The following SPIDR variants were observed in gnomAD, a reference collection of about 807,000 sequenced individuals.
SPIDR encodes scaffold protein involved in DNA repair.
In SPIDR, 93 loss-of-function variants were observed where a neutral mutation model predicts 104.6. That is an observed-to-expected ratio of 0.89 (90% CI 0.75 to 1.06). SPIDR has a LOEUF of 1.06. Ranked by LOEUF, SPIDR falls within the 50% of genes least tolerant of loss-of-function variation. SPIDR has a pLI of 0.00. For missense variants in SPIDR, 1,154 were observed against 1,111.2 expected, an observed-to-expected ratio of 1.04 and a Z score of -0.55; for synonymous variants, 431 against 416.9, an observed-to-expected ratio of 1.03 and a Z score of -0.41.
intron 8 of SPIDR, among the ~76,000 whole-genome samples, chr8:47,498,307 A>G (rs1374447153): frequency 6.6e-6 from 1 of 152,186 alleles, no homozygotes; most frequent in African/African-American, 2.4e-5. Flanking sequence ...TTATTGGCAA[A>G]CGTTCCATCT....
chr8:47,623,409 GCTAAATGCTCCAATTAAAAGACA>G (rs2065460979), intron 10 of SPIDR, among the ~76,000 whole-genome samples: 1 of 152,260 alleles, frequency 6.6e-6, no homozygotes, highest in Admixed American at 6.5e-5. Context: ...ATGTAAATGG[GCTAAATGCTCCAATTAAAAGACA>G]CAGACTGGCA....
chr8:47,591,799 G>A (rs1267893524), intron 8 of SPIDR, among the ~76,000 whole-genome samples: 1 of 151,040 alleles, frequency 6.6e-6, no homozygotes, highest in African/African-American at 2.4e-5. Flanking sequence ...ATAAAATAAA[G>A]AAAAACACGC....
At chr8:47,531,299 A>G (rs1196693671) in intron 8 of SPIDR, among the ~76,000 whole-genome samples, 3 of 152,184 alleles carry the variant, frequency 2.0e-5, no homozygotes, top group Admixed American at 6.6e-5. Context: ...TTCTACCTCT[A>G]CAACTTGTCC....
chr8:47,494,713 C>T (rs930803375), intron 8 of SPIDR, among the ~76,000 whole-genome samples: 2 of 152,060 alleles, frequency 1.3e-5, no homozygotes, highest in African/African-American at 4.8e-5. Flanking sequence ...CTTTGTATTG[C>T]TTTTACTATG....
chr8:47,593,811 ACCCTGGCTGG>A (rs1297336385), intron 8 of SPIDR, among the ~76,000 whole-genome samples: 3 of 151,896 alleles, frequency 2.0e-5, no homozygotes, highest in Non-Finnish European at 4.4e-5. Context: ...TGCTGACACC[ACCCTGGCTGG>A]GAGGGCCAGG....
At chr8:47,453,853 A>T (rs1446632476) in intron 8 of SPIDR, among the ~76,000 whole-genome samples, 1 of 152,232 alleles carries the variant, frequency 6.6e-6, no homozygotes, top group African/African-American at 2.4e-5. Context: ...GAAGACATTT[A>T]TGCAGCCAAC....
intron 5 of SPIDR, among the ~76,000 whole-genome samples, chr8:47,346,925 T>G (rs936658621): frequency 6.6e-6 from 1 of 152,194 alleles, no homozygotes; most frequent in Non-Finnish European, 1.5e-5. Context: ...ATTGATTTTT[T>G]GAAGGGTTTT....
chr8:47,354,932 C>T (rs2054232275), intron 5 of SPIDR, among the ~76,000 whole-genome samples: 1 of 152,016 alleles, frequency 6.6e-6, no homozygotes, highest in African/African-American at 2.4e-5. Flanking sequence ...CATGAGCTAC[C>T]ACACCAAGCC....
intron 8 of SPIDR, among the ~76,000 whole-genome samples, chr8:47,493,332 C>T (rs2079023059): frequency 6.6e-6 from 1 of 151,804 alleles, no homozygotes; most frequent in African/African-American, 2.4e-5. Context: ...AATAAGAAAC[C>T]CAGAGTTAAT....
intron 8 of SPIDR, among the ~76,000 whole-genome samples, chr8:47,460,662 G>A (rs531577114): frequency 9.0e-4 from 137 of 152,228 alleles, no homozygotes; most frequent in African/African-American, 3.2e-3. Context: ...CATTAGTATT[G>A]AGATGTGAGG....
chr8:47,652,645 T>C (rs1165535882), intron 10 of SPIDR, among the ~76,000 whole-genome samples: 2 of 152,242 alleles, frequency 1.3e-5, no homozygotes, highest in Admixed American at 6.5e-5. Context: ...CTCAGTGATA[T>C]TGTTTCTAAA....
intron 8 of SPIDR, among the ~76,000 whole-genome samples, chr8:47,541,918 G>A (rs2088242394): frequency 6.6e-6 from 1 of 152,120 alleles, no homozygotes. Flanking sequence ...GCGACAGAAT[G>A]AGACTCCATC....
At chr8:47,423,099 T>G (rs2065835147) in intron 7 of SPIDR, among the ~76,000 whole-genome samples, 1 of 151,526 alleles carries the variant, frequency 6.6e-6, no homozygotes, top group Admixed American at 6.6e-5. Flanking sequence ...AGGTCAGGAG[T>G]TCGAGACCAG....
chr8:47,476,890 C>T (rs1218025960), intron 8 of SPIDR, among the ~76,000 whole-genome samples: 1 of 152,160 alleles, frequency 6.6e-6, no homozygotes, highest in Non-Finnish European at 1.5e-5. Context: ...CTGGTAGTGA[C>T]ACCTTAGAAA....
In SPIDR at chr8:47,735,503, G is replaced by A. The variant is rs1476030113; in HGVS notation, c.*53G>A. 1.2e-6 allele frequency: 2 copies of A among 1,613,352 alleles called. No homozygotes were observed. The highest frequency in any genetic ancestry group is 2.2e-5 in the East Asian group (1 of 44,752). The stretch of plus-strand genomic sequence containing the variant: ...CAATGTGGCTGCAAGGGTGGTGGTG[G>A]TGGTGGTGATTTGGGGTAGTTATTT... On this transcript the variant is annotated 3_prime_UTR_variant, in exon 20 of 20. Coordinates refer to ENST00000297423, the MANE Select transcript of SPIDR (RefSeq NM_001080394.4).
chr8:47,465,883 T>G (rs1339264799), intron 8 of SPIDR, among the ~76,000 whole-genome samples: 2 of 152,138 alleles, frequency 1.3e-5, no homozygotes, highest in African/African-American at 2.4e-5. Context: ...AGTCCTCATT[T>G]CAGACAAAAT....
chr8:47,294,579 A>G (rs2040501168), intron 5 of SPIDR, among the ~76,000 whole-genome samples: 1 of 152,196 alleles, frequency 6.6e-6, no homozygotes, highest in African/African-American at 2.4e-5. Context: ...AGGACTTAGC[A>G]TATAGTCGTA....
intron 10 of SPIDR, among the ~76,000 whole-genome samples, chr8:47,600,656 G>A (rs771319056): frequency 7.9e-5 from 12 of 152,150 alleles, no homozygotes; most frequent in Non-Finnish European, 1.6e-4. Flanking sequence ...CCCTAAATCT[G>A]TGGTAAATTT....
Position 47,673,906 on chromosome 8 carries a change from G to A in SPIDR, c.1650G>A (p.Val550=), listed in dbSNP as rs774440686. 2 of 1,614,028 alleles carry A rather than the reference G, an allele frequency of 1.2e-6. No individual in the cohort carries two copies. Among genetic ancestry groups the A allele is most frequent in the Non-Finnish European group, 8.5e-7 (1 of 1,179,938 alleles). The part of the protein sequence containing the change: ...RQLEGKSCSL[V]GMKVLQKVTR... ...TGGAAGGGAAGTCTTGCAGCCTGGT[G>A]GGAATGAAGGTTCTACAGAAAGTCA... Residue 550 remains valine, a synonymous_variant, in exon 11 of 20, where the codon GTG becomes GTA. Transcript: ENST00000297423.
Sources: gnomAD v4.1 joint callset for allele counts (sites outside exome capture counted in the v4.1 genomes callset) on GRCh38, gnomAD v4.1.1 for gene constraint, MANE v1.5 for transcripts, NCBI Gene and HGNC (gene_info 2026-07-23, HGNC 2026-07-21) for gene names.